Variants in NEGR1 observed in about 807,000 individuals in gnomAD.
NEGR1 encodes the protein neuronal growth regulator 1.
Under a neutral mutation model 40.9 loss-of-function variants are expected in NEGR1, and 10 were observed. That is an observed-to-expected ratio of 0.24 (90% CI 0.15 to 0.42). NEGR1 has a LOEUF of 0.42. Ranked by LOEUF, NEGR1 falls within the 10% of genes least tolerant of loss-of-function variation. The pLI, the probability that NEGR1 is intolerant of heterozygous loss-of-function variation, is 1.00. For missense variants in NEGR1, 352 were observed against 438.9 expected (o/e 0.80, Z 1.77); for synonymous variants, 185 against 166.8 (o/e 1.11, Z -0.84).
chr1:71,696,168 C>A (rs944324033), intron 4 of NEGR1, among the ~76,000 whole-genome samples: 14 of 151,762 alleles, frequency 9.2e-5, no homozygotes, highest in African/African-American at 2.9e-4. Context: ...TGGATAGACT[C>A]TCTTCTATCT....
chr1:71,773,168 G>GCA (rs1656389099), intron 3 of NEGR1, among the ~76,000 whole-genome samples: 1 of 152,186 alleles, frequency 6.6e-6, no homozygotes, highest in South Asian at 2.1e-4. Context: ...GCTGTATGGA[G>GCA]CTATCATCCT....
At chr1:71,558,722 CT>C (rs34141206) in intron 6 of NEGR1, among the ~76,000 whole-genome samples, 52,644 of 134,198 alleles carry the variant, frequency 0.39, 10,021 homozygotes, top group East Asian at 0.67. Flanking sequence ...TCTTTTCTTT[CT>C]TTTTTTTTTT....
intron 6 of NEGR1, among the ~76,000 whole-genome samples, chr1:71,473,501 T>A (rs1646796975): frequency 1.3e-5 from 2 of 152,142 alleles, no homozygotes; most frequent in Non-Finnish European, 2.9e-5. Context: ...TGCAACTTGA[T>A]CTTTTTTATG....
At chr1:71,548,250 T>C (rs150457855) in intron 6 of NEGR1, among the ~76,000 whole-genome samples, 3 of 151,822 alleles carry the variant, frequency 2.0e-5, no homozygotes, top group Admixed American at 6.6e-5. Context: ...TACAGCTCCA[T>C]CACTTATTTT....
intron 6 of NEGR1, among the ~76,000 whole-genome samples, chr1:71,445,947 C>T (rs1468762075): frequency 6.6e-6 from 1 of 152,330 alleles, no homozygotes; most frequent in East Asian, 1.9e-4. Context: ...GAGACTATAA[C>T]ATGTCTTTAT....
At chr1:72,269,246 G>A (rs1325506723) in intron 1 of NEGR1, among the ~76,000 whole-genome samples, 1 of 151,620 alleles carries the variant, frequency 6.6e-6, no homozygotes, top group East Asian at 1.9e-4. Context: ...AACTTTTATA[G>A]GTCTCTGAAT....
intron 1 of NEGR1, among the ~76,000 whole-genome samples, chr1:72,177,205 CAAG>C (rs1218560825): frequency 6.6e-6 from 1 of 151,908 alleles, no homozygotes; most frequent in Non-Finnish European, 1.5e-5. Flanking sequence ...GAAACTGAGG[CAAG>C]AAGAAGGTAT....
chr1:72,096,291 A>G (rs534204696), intron 1 of NEGR1, among the ~76,000 whole-genome samples: 1 of 152,278 alleles, frequency 6.6e-6, no homozygotes, highest in South Asian at 2.1e-4. Flanking sequence ...GCATAAACCA[A>G]AATTTGCGCA....
intron 1 of NEGR1, among the ~76,000 whole-genome samples, chr1:71,987,029 A>C (rs529980167): frequency 6.6e-6 from 1 of 152,154 alleles, no homozygotes; most frequent in Non-Finnish European, 1.5e-5. Context: ...CTAAAAGCAG[A>C]ATTTTGAGTG....
At position 72,084,884 on chromosome 1, in the gene NEGR1, G is replaced by A. The variant is rs574654663; in HGVS notation, c.177-149573C>T. On this transcript the variant is annotated intron_variant, in intron 1 of 6. Transcript: ENST00000357731. ...GCTACTAAGATTACAAAGTGATAATGCAGCACATTGGAATGATGGAAACGA... is the reference window on the plus strand; with the variant it reads ...GCTACTAAGATTACAAAGTGATAATACAGCACATTGGAATGATGGAAACGA... Among the ~76,000 whole-genome samples the A allele has an allele frequency of 2.6e-5, 4 of 152,280 alleles. No homozygotes were observed. In the East Asian group the frequency reaches 5.8e-4, roughly 22 times the overall value.
chr1:71,539,819 G>A (rs1647632663), intron 6 of NEGR1, among the ~76,000 whole-genome samples: 1 of 151,722 alleles, frequency 6.6e-6, no homozygotes, highest in African/African-American at 2.4e-5. Context: ...GAAAAACATC[G>A]TTTGTAGTAA....
intron 1 of NEGR1, among the ~76,000 whole-genome samples, chr1:71,968,648 A>C (rs1570563855): frequency 6.6e-6 from 1 of 152,228 alleles, no homozygotes; most frequent in African/African-American, 2.4e-5. Context: ...TAAAGTGCTA[A>C]ATGATAATCA....
At chr1:71,987,356 G>A (rs182965130) in intron 1 of NEGR1, among the ~76,000 whole-genome samples, 8 of 152,296 alleles carry the variant, frequency 5.3e-5, no homozygotes, top group South Asian at 4.1e-4. Context: ...AGAGACAGGC[G>A]GGAGATAGAG....
chr1:72,154,412 TTC>T (rs1416931708), intron 1 of NEGR1, among the ~76,000 whole-genome samples: 3 of 151,982 alleles, frequency 2.0e-5, no homozygotes, highest in Non-Finnish European at 4.4e-5. Context: ...CAAAATAAAT[TTC>T]TGTTATCAGT....
At chr1:71,436,702 A>G (rs1277554119) in intron 6 of NEGR1, among the ~76,000 whole-genome samples, 1 of 152,164 alleles carries the variant, frequency 6.6e-6, no homozygotes, top group Non-Finnish European at 1.5e-5. Flanking sequence ...GGCATCAAGA[A>G]TAACTTATTT....
chr1:72,266,982 A>T (rs1380451400), intron 1 of NEGR1, among the ~76,000 whole-genome samples: 2 of 150,964 alleles, frequency 1.3e-5, no homozygotes, highest in Non-Finnish European at 3.0e-5. Flanking sequence ...TTATCAGAAA[A>T]CTTTGATGTT....
intron 1 of NEGR1, among the ~76,000 whole-genome samples, chr1:72,065,932 C>G (rs887860369): frequency 5.9e-5 from 9 of 151,986 alleles, no homozygotes; most frequent in Non-Finnish European, 1.0e-4. Context: ...TAGCCAAATA[C>G]ACAAACCAAG....
At chr1:72,204,758 T>C (rs912952130) in intron 1 of NEGR1, among the ~76,000 whole-genome samples, 1 of 152,176 alleles carries the variant, frequency 6.6e-6, no homozygotes, top group Non-Finnish European at 1.5e-5. Flanking sequence ...AAATCCATTA[T>C]ACAGAACAAT....
At chr1:72,239,176 TGAAACA>T (rs1654655847) in intron 1 of NEGR1, among the ~76,000 whole-genome samples, 1 of 151,878 alleles carries the variant, frequency 6.6e-6, no homozygotes, top group Non-Finnish European at 1.5e-5. Context: ...AGCCACTTTT[TGAAACA>T]GAAACTACAG....
Sources: allele counts gnomAD v4.1 joint callset (sites outside exome capture counted in the v4.1 genomes callset), GRCh38; gene constraint gnomAD v4.1.1; transcripts MANE v1.5; gene names NCBI Gene and HGNC (gene_info 2026-07-23, HGNC 2026-07-21).